MGAT5: variants seen among roughly 807,000 people sequenced by gnomAD.
MGAT5 encodes alpha-1,6-mannosylglycoprotein 6-beta-N-acetylglucosaminyltransferase.
In MGAT5, 30 loss-of-function variants were observed where a neutral mutation model predicts 94.3. The ratio of observed to expected loss-of-function variants is 0.32; its 90% CI spans 0.24 to 0.43. The LOEUF (loss-of-function observed/expected upper bound fraction) is 0.43, where lower values mean the gene tolerates loss of function less well. Among genes scored for constraint, MGAT5 ranks in the 20% least tolerant of loss-of-function variants. The pLI, the probability that MGAT5 is intolerant of heterozygous loss-of-function variation, is 1.00. For missense variants in MGAT5, 691 were observed against 905.5 expected (o/e 0.76, Z 3.04); for synonymous variants, 310 against 322.9 (o/e 0.96, Z 0.43).
intron 2 of MGAT5, among the ~76,000 whole-genome samples, chr2:134,301,515 T>C (rs185209268): frequency 2.5e-4 from 38 of 152,346 alleles, no homozygotes; most frequent in African/African-American, 8.2e-4. Flanking sequence ...ATAAATCTTA[T>C]TCATCTTTTT....
intron 13 of MGAT5, among the ~76,000 whole-genome samples, chr2:134,425,337 G>A (rs899155590): frequency 9.9e-5 from 15 of 151,750 alleles, no homozygotes; most frequent in African/African-American, 3.1e-4. Flanking sequence ...TTTTTTTCTC[G>A]TTTGTGTTTT....
At chr2:134,313,183 T>C (rs1317608987) in intron 2 of MGAT5, among the ~76,000 whole-genome samples, 3 of 152,234 alleles carry the variant, frequency 2.0e-5, no homozygotes, top group African/African-American at 7.2e-5. Context: ...TCTCTCTCGA[T>C]ACGTGTGTGT....
intron 2 of MGAT5, among the ~76,000 whole-genome samples, chr2:134,310,628 G>C (rs962745050): frequency 2.0e-5 from 3 of 152,148 alleles, no homozygotes; most frequent in African/African-American, 7.2e-5. Context: ...TTGCTTTGTT[G>C]GGGAGGGAAC....
intron 1 of MGAT5, among the ~76,000 whole-genome samples, chr2:134,158,215 A>G (rs1489349740): frequency 6.6e-6 from 1 of 152,206 alleles, no homozygotes; most frequent in African/African-American, 2.4e-5. Context: ...CCTGGCGTGA[A>G]GGTGGGGACC....
At chr2:134,259,263 A>G (rs1009178889) in intron 1 of MGAT5, among the ~76,000 whole-genome samples, 2 of 152,160 alleles carry the variant, frequency 1.3e-5, no homozygotes, top group African/African-American at 4.8e-5. Flanking sequence ...CCAGTGTGGC[A>G]GGGGCCATGC....
At chr2:134,157,118 T>C (rs771182745) in intron 1 of MGAT5, among the ~76,000 whole-genome samples, 5 of 152,174 alleles carry the variant, frequency 3.3e-5, no homozygotes, top group Admixed American at 6.5e-5. Context: ...CTCCATCATA[T>C]TGGGTTTAGA....
At chr2:134,396,017 A>C (rs7587342) in intron 10 of MGAT5, among the ~76,000 whole-genome samples, 145,992 of 152,300 alleles carry the variant, frequency 0.96, 70,154 homozygotes, top group South Asian at 1. Flanking sequence ...TGGACCACAG[A>C]CTGGGCTGGA....
rs74521920 is a variant in MGAT5 at position 134,285,097 on chromosome 2, T to C, written c.406+14547T>C. On this transcript the variant is annotated intron_variant, in intron 2 of 15. Transcript: ENST00000281923. ...AATGAGGTAATTGTCTCTAGAGAAA[T>C]ATCTAGAATTGTTTTCCAATTCTTT... Among the ~76,000 whole-genome samples, 1,126 of 152,298 alleles carry C rather than the reference T, an allele frequency of 7.4e-3. 20 individuals are homozygous for C. The highest frequency in any genetic ancestry group is 0.026 in the African/African-American group (1,072 of 41,570).
At chr2:134,184,756 A>G (rs1182664150) in intron 1 of MGAT5, among the ~76,000 whole-genome samples, 3 of 152,086 alleles carry the variant, frequency 2.0e-5, no homozygotes, top group Non-Finnish European at 1.5e-5. Flanking sequence ...TTTTGAGAGC[A>G]GAGAACATGA....
At chr2:134,215,536 T>C (rs1414459611) in intron 1 of MGAT5, among the ~76,000 whole-genome samples, 1 of 152,156 alleles carries the variant, frequency 6.6e-6, no homozygotes, top group Non-Finnish European at 1.5e-5. Flanking sequence ...TTGGCTTTAT[T>C]AACAACCTGC....
chr2:134,231,006 G>T (rs541359446), intron 1 of MGAT5, among the ~76,000 whole-genome samples: 10 of 152,296 alleles, frequency 6.6e-5, no homozygotes, highest in African/African-American at 2.4e-4. Flanking sequence ...CCTTGTGAAA[G>T]AAAGCTGTCA....
At chr2:134,297,403 C>A (rs1295699798) in intron 2 of MGAT5, among the ~76,000 whole-genome samples, 1 of 152,106 alleles carries the variant, frequency 6.6e-6, no homozygotes, top group Non-Finnish European at 1.5e-5. Flanking sequence ...ATTCATTCTG[C>A]CAGTAACACC....
intron 2 of MGAT5, among the ~76,000 whole-genome samples, chr2:134,311,397 A>C (rs1050305189): frequency 2.6e-5 from 4 of 152,184 alleles, no homozygotes; most frequent in Admixed American, 2.6e-4. Flanking sequence ...GTGTCATCTC[A>C]AACAACACCT....
chr2:134,365,396 C>T (rs1052469330), intron 10 of MGAT5, among the ~76,000 whole-genome samples: 1 of 152,132 alleles, frequency 6.6e-6, no homozygotes, highest in South Asian at 2.1e-4. Flanking sequence ...AATTCTGGCT[C>T]AGAAAACTGA....
At chr2:134,379,141 G>A (rs10928492) in intron 10 of MGAT5, among the ~76,000 whole-genome samples, 144,637 of 152,248 alleles carry the variant, frequency 0.95, 69,044 homozygotes, top group East Asian at 1. Context: ...CCTTTTGCTT[G>A]TATCAGTTCT....
intron 12 of MGAT5, among the ~76,000 whole-genome samples, chr2:134,418,492 G>A (rs1684099356): frequency 6.6e-6 from 1 of 152,244 alleles, no homozygotes; most frequent in African/African-American, 2.4e-5. Flanking sequence ...GTTGACAGGT[G>A]TTTAATGCAT....
chr2:134,358,769 G>A (rs1346212859), intron 9 of MGAT5, among the ~76,000 whole-genome samples: 1 of 152,232 alleles, frequency 6.6e-6, no homozygotes, highest in Non-Finnish European at 1.5e-5. Flanking sequence ...TATTATGACT[G>A]CTTGGTAGAT....
chr2:134,222,915 G>A (rs1477879242), intron 1 of MGAT5, among the ~76,000 whole-genome samples: 1 of 152,114 alleles, frequency 6.6e-6, no homozygotes, highest in Non-Finnish European at 1.5e-5. Flanking sequence ...GCTACTGTAA[G>A]CTTGGTTTCT....
At chr2:134,313,336 G>T (rs1686809856) in intron 2 of MGAT5, among the ~76,000 whole-genome samples, 1 of 152,166 alleles carries the variant, frequency 6.6e-6, no homozygotes, top group Non-Finnish European at 1.5e-5. Context: ...GGCAGGAAAA[G>T]TGTTTGTTCA....
Sources: gnomAD v4.1 joint callset for allele counts (sites outside exome capture counted in the v4.1 genomes callset) on GRCh38, gnomAD v4.1.1 for gene constraint, MANE v1.5 for transcripts, NCBI Gene and HGNC (gene_info 2026-07-23, HGNC 2026-07-21) for gene names.